Variants in LRRC28 observed in about 807,000 individuals in gnomAD.
The protein encoded by LRRC28 is leucine rich repeat containing 28.
In LRRC28, 39 loss-of-function variants were observed where a neutral mutation model predicts 45.7. The ratio of observed to expected loss-of-function variants is 0.85; its 90% CI spans 0.66 to 1.12. LRRC28 has a LOEUF of 1.12. Ranked by LOEUF, LRRC28 falls within the 50% of genes most tolerant of loss-of-function variation. LRRC28 has a pLI of 0.00. For missense variants in LRRC28, 435 were observed against 438.5 expected (o/e 0.99, Z 0.07); for synonymous variants, 206 against 178.8 (o/e 1.15, Z -1.22).
At chr15:99,302,712 G>A (rs747979241) in intron 5 of LRRC28, among the ~76,000 whole-genome samples, 18 of 152,196 alleles carry the variant, frequency 1.2e-4, no homozygotes, top group Non-Finnish European at 2.4e-4. Context: ...CCTGGTGCCT[G>A]TTTATTGCTA....
intron 3 of LRRC28, 76 bp from the exon 4 acceptor site, chr15:99,287,181 G>A: frequency 1.6e-6 from 2 of 1,264,412 alleles, no homozygotes; most frequent in Non-Finnish European, 2.2e-6. Context: ...AAATTTCTAA[G>A]TGAGCATTTT....
Position 99,359,017 on chromosome 15 carries a change from A to G in LRRC28, c.696-2319A>G, listed in dbSNP as rs940774822. Among the ~76,000 whole-genome samples, 9 of 152,052 alleles carry G rather than the reference A, an allele frequency of 5.9e-5. No homozygotes were observed. In the South Asian group the frequency reaches 6.2e-4, roughly 11 times the overall value. On this transcript the variant is annotated intron_variant, in intron 7 of 9. Coordinates refer to ENST00000301981, the MANE Select transcript of LRRC28 (RefSeq NM_144598.5). ...TTGAACCCGGGAGGCAGAGGTTGCA[A>G]TGAGTTGAGATCACAGACTGTACTC...
At chr15:99,337,289 G>A (rs1261210109) in intron 6 of LRRC28, among the ~76,000 whole-genome samples, 1 of 152,244 alleles carries the variant, frequency 6.6e-6, no homozygotes, top group Non-Finnish European at 1.5e-5. Flanking sequence ...TGTAATGTTT[G>A]GGGTCCTGGG....
At chr15:99,303,271 C>T (rs1464086453) in intron 5 of LRRC28, among the ~76,000 whole-genome samples, 1 of 151,978 alleles carries the variant, frequency 6.6e-6, no homozygotes, top group Non-Finnish European at 1.5e-5. Context: ...GTCTATTTGC[C>T]ATCTCTTTGG....
At chr15:99,383,432 A>G (rs946777644) in intron 9 of LRRC28, among the ~76,000 whole-genome samples, 5 of 152,280 alleles carry the variant, frequency 3.3e-5, no homozygotes, top group Admixed American at 3.3e-4. Flanking sequence ...TTTCAGGTGG[A>G]GGGGGGAAGA....
At chr15:99,375,303 A>G (rs1475465212) in intron 9 of LRRC28, among the ~76,000 whole-genome samples, 1 of 152,146 alleles carries the variant, frequency 6.6e-6, no homozygotes, top group East Asian at 1.9e-4. Context: ...AACTAGCCTC[A>G]CACTCCTGGA....
At chr15:99,274,686 A>C (rs964701717) in intron 2 of LRRC28, among the ~76,000 whole-genome samples, 5 of 152,196 alleles carry the variant, frequency 3.3e-5, no homozygotes, top group African/African-American at 1.2e-4. Context: ...AGTACCTAAC[A>C]CGTTAGTTTT....
chr15:99,323,678 TTCA>T (rs1253524923), intron 5 of LRRC28, among the ~76,000 whole-genome samples: 1 of 152,220 alleles, frequency 6.6e-6, no homozygotes, highest in African/African-American at 2.4e-5. Flanking sequence ...AATAAAAAAC[TTCA>T]TCAATTACAG....
At chr15:99,351,328 G>A (rs186247470) in intron 6 of LRRC28, among the ~76,000 whole-genome samples, 126 of 152,266 alleles carry the variant, frequency 8.3e-4, no homozygotes, top group Middle Eastern at 6.8e-3. Context: ...CGTACTTTCA[G>A]CCTTATTTCC....
At chr15:99,330,308 T>A (rs1399311816) in intron 5 of LRRC28, among the ~76,000 whole-genome samples, 1 of 152,156 alleles carries the variant, frequency 6.6e-6, no homozygotes, top group Non-Finnish European at 1.5e-5. Context: ...TTCTGTTTAG[T>A]TGTTTTATTT....
intron 2 of LRRC28, among the ~76,000 whole-genome samples, chr15:99,257,265 GA>G (rs2081050057): frequency 6.6e-6 from 1 of 152,098 alleles, no homozygotes; most frequent in African/African-American, 2.4e-5. Context: ...TTCCAACTTG[GA>G]AAATCTATTT....
At chr15:99,303,074 TC>T (rs1457953555) in intron 5 of LRRC28, among the ~76,000 whole-genome samples, 1 of 152,232 alleles carries the variant, frequency 6.6e-6, no homozygotes, top group Admixed American at 6.5e-5. Flanking sequence ...CAAACTGTTT[TC>T]CAAAGTGGCT....
chr15:99,367,338 C>G (rs1368818341), intron 9 of LRRC28, among the ~76,000 whole-genome samples: 1 of 152,146 alleles, frequency 6.6e-6, no homozygotes, highest in African/African-American at 2.4e-5. Context: ...TTATTTGGCT[C>G]ATGCTTTTGG....
chr15:99,383,807 T>C (rs549293543), intron 9 of LRRC28, among the ~76,000 whole-genome samples: 1 of 152,314 alleles, frequency 6.6e-6, no homozygotes, highest in East Asian at 1.9e-4. Context: ...GGGTCCTCTC[T>C]GCATTCCCAT....
intron 2 of LRRC28, chr15:99,258,801 G>A: frequency 1.4e-6 from 1 of 696,970 alleles, no homozygotes; most frequent in East Asian, 2.8e-5. Context: ...GTTCCACGTG[G>A]CCTATTTGAT....
chr15:99,288,855 T>C (rs1330409318), intron 5 of LRRC28, among the ~76,000 whole-genome samples: 1 of 152,070 alleles, frequency 6.6e-6, no homozygotes, highest in Non-Finnish European at 1.5e-5. Context: ...AATTTTTGTA[T>C]TTTTTGTAGA....
intron 3 of LRRC28, among the ~76,000 whole-genome samples, chr15:99,286,529 A>T (rs922119780): frequency 1.3e-5 from 2 of 152,206 alleles, no homozygotes; most frequent in Non-Finnish European, 2.9e-5. Flanking sequence ...TTATTTTCTT[A>T]AATTATTGTT....
intron 5 of LRRC28, among the ~76,000 whole-genome samples, chr15:99,299,133 A>G (rs1203107235): frequency 6.6e-6 from 1 of 152,250 alleles, no homozygotes; most frequent in African/African-American, 2.4e-5. Context: ...AGAACTTTCA[A>G]TTATTAAAAT....
chr15:99,362,548 G>C (rs1444870191), intron 8 of LRRC28, among the ~76,000 whole-genome samples: 1 of 152,164 alleles, frequency 6.6e-6, no homozygotes, highest in East Asian at 1.9e-4. Flanking sequence ...GACTAAGCTG[G>C]GAAGGAAGCT....
Sources: gnomAD v4.1 joint callset for allele counts (sites outside exome capture counted in the v4.1 genomes callset) on GRCh38, gnomAD v4.1.1 for gene constraint, MANE v1.5 for transcripts, NCBI Gene and HGNC (gene_info 2026-07-23, HGNC 2026-07-21) for gene names.